The following CCNL1 variants were observed in gnomAD, a reference collection of about 807,000 sequenced individuals.
The protein encoded by CCNL1 is cyclin-L1.
In CCNL1, 13 loss-of-function variants were observed where a neutral mutation model predicts 60.6. The ratio of observed to expected loss-of-function variants is 0.21; its 90% CI spans 0.14 to 0.34. CCNL1 has a LOEUF of 0.34. Ranked by LOEUF, CCNL1 falls within the 10% of genes least tolerant of loss-of-function variation. CCNL1 has a pLI of 1.00. For synonymous variants in CCNL1, 270 were observed against 244.3 expected, an observed-to-expected ratio of 1.10 and a Z score of -0.98; for missense variants, 481 against 664.3, an observed-to-expected ratio of 0.72 and a Z score of 3.03.
downstream of CCNL1, chr3:157,146,365 C>A: frequency 7.5e-6 from 2 of 265,032 alleles, no homozygotes; most frequent in Non-Finnish European, 1.5e-5. Flanking sequence ...TTGCCTAGCC[C>A]ACAAAGCCAC....
intron 4 of CCNL1, chr3:157,152,578 A>G: frequency 9.3e-7 from 1 of 1,080,462 alleles, no homozygotes; most frequent in Non-Finnish European, 1.1e-6. Context: ...GACCCGGGTA[A>G]CTCACTCTAT....
chr3:157,159,815 C>T lies in CCNL1; in HGVS notation c.280G>A (p.Gly94Ser), dbSNP rs1305982186. ...ILGCELIQAA[G>S]ILLRLPQVAM... is the part of the protein sequence containing the mutation. ...ACCTGCGGCAGCCGGAGGAGAATGC[C>T]GGCGGCCTGGATGAGCTCGCAGCCC... Residue 94 changes from glycine to serine, a missense_variant, in exon 1 of 11, where the codon GGC (glycine) becomes AGC (serine). By Grantham distance (56) the Gly-to-Ser change is moderately conservative. Transcript: ENST00000295926. 2 of 1,539,132 alleles carry T rather than the reference C, an allele frequency of 1.3e-6. No homozygotes were observed. The highest frequency in any genetic ancestry group is 2.7e-5 in the African/African-American group (2 of 72,988).
downstream of CCNL1, among the ~76,000 whole-genome samples, chr3:157,145,437 CAA>C (rs56894231): frequency 4.3e-3 from 105 of 24,236 alleles, no homozygotes; most frequent in Middle Eastern, 0.031. Flanking sequence ...GACTTCATCT[CAA>C]AAAAAAAAAA....
At chr3:157,150,426 T>A in intron 5 of CCNL1, 45 bp from the exon 6 acceptor site, 1 of 1,584,522 alleles carries the variant, frequency 6.3e-7, no homozygotes, top group Middle Eastern at 1.7e-4. Context: ...ACAAACCAGT[T>A]CTTCTGAAGC....
intron 5 of CCNL1, chr3:157,151,511 A>C: frequency 3.0e-6 from 3 of 985,898 alleles, no homozygotes; most frequent in Non-Finnish European, 3.6e-6. Context: ...GCAGTTATAT[A>C]AATTAAGCCA....
At chr3:157,149,801 G>T in intron 8 of CCNL1, 35 bp downstream of exon 8, 1 of 1,594,078 alleles carries the variant, frequency 6.3e-7, no homozygotes, top group Non-Finnish European at 8.5e-7. Context: ...CACTTTCAGT[G>T]CCCCCAAGTC....
In CCNL1 at chr3:157,150,177, A is replaced by AT. The variant is rs750543800; in HGVS notation, c.775-9dup. The AT allele has an allele frequency of 6.2e-7, 1 of 1,611,104 alleles. No homozygotes were observed. Among genetic ancestry groups the AT allele is most frequent in the Non-Finnish European group, 8.5e-7 (1 of 1,178,778 alleles). ...ACGAGTTGGCAACGGAATCTAAACC[A>AT]TAAGAACAGAATGTTTTAAATTAAA... On this transcript the variant is annotated splice_polypyrimidine_tract_variant and intron_variant, in intron 6 of 10. Transcript: ENST00000295926.
At chr3:157,144,247 T>C (rs964206019), downstream of CCNL1, among the ~76,000 whole-genome samples, 3 of 152,230 alleles carry the variant, frequency 2.0e-5, no homozygotes, top group African/African-American at 4.8e-5. Flanking sequence ...ATTGAAGATA[T>C]TGTACTAGTA....
chr3:157,159,966 G>A lies in CCNL1; in HGVS notation c.129C>T (p.Gly43=), dbSNP rs1738962602. 3 of 1,595,478 alleles carry A rather than the reference G, an allele frequency of 1.9e-6. No individual in the cohort carries two copies. Among genetic ancestry groups the A allele is most frequent in the East Asian group, 4.6e-5 (2 of 43,852 alleles). The part of the protein sequence containing the change: ...TTTTTGGILI[G]DRLYSEVSLT... ...GTGAAACTTCCGAGTACAGGCGATC[G>A]CCGATCAGGATCCCTCCCGTCGTGG... The change falls in exon 1 of 11, where the codon GGC becomes GGT. Residue 43 remains glycine, a synonymous_variant. Transcript: ENST00000295926.
At position 157,158,988 on chromosome 3, in the gene CCNL1, A is replaced by G; in HGVS notation, c.379-13T>C. 4 of 1,560,976 alleles carry G rather than the reference A, an allele frequency of 2.6e-6. No individual in the cohort carries two copies. Among genetic ancestry groups the G allele is most frequent in the Non-Finnish European group, 3.5e-6 (4 of 1,136,858 alleles). On this transcript the variant is annotated splice_polypyrimidine_tract_variant and intron_variant, in intron 2 of 10. Transcript: ENST00000295926. ...CCATAGCAACAATCTGAAAGAACCC[A>G]TGAGCCACAAAAGCCATTGTTAGAT...
At position 157,150,914 on chromosome 3, in the gene CCNL1, TA is replaced by T. The variant is rs1289711491; in HGVS notation, c.675-534del. On this transcript the variant is annotated intron_variant, in intron 5 of 10. Coordinates refer to ENST00000295926, the MANE Select transcript of CCNL1 (RefSeq NM_020307.4). ...TACTTAGAAAATCTAGATAGGGAAA[TA>T]AAGAGCAATAAACACATATAATGGC... 5.1e-6 allele frequency: 5 copies of T among 982,852 alleles called. No homozygotes were observed. In the African/African-American group the frequency reaches 8.7e-5, roughly 17 times the overall value. 60.9% of individuals were successfully genotyped at this position (982,852 alleles called of 1,614,324 possible). A position where few individuals can be genotyped will look rare whatever the true frequency, so the allele number is the denominator to read the frequency against.
chr3:157,150,414 A>G, intron 5 of CCNL1, 33 bp from the exon 6 acceptor site: 3 of 1,601,894 alleles, frequency 1.9e-6, no homozygotes, highest in East Asian at 2.2e-5. Flanking sequence ...GCTTGCATGT[A>G]AACAAACCAG....
Position 157,150,172 on chromosome 3 carries a change from A to G in CCNL1, c.775-3T>C, listed in dbSNP as rs1323275038. 1 of 1,610,800 alleles carries G rather than the reference A, an allele frequency of 6.2e-7. No homozygotes were observed. Among genetic ancestry groups the G allele is most frequent in the Admixed American group, 1.7e-5 (1 of 59,124 alleles). On this transcript the variant is annotated splice_region_variant and splice_polypyrimidine_tract_variant and intron_variant, in intron 6 of 10. Coordinates refer to ENST00000295926, the MANE Select transcript of CCNL1 (RefSeq NM_020307.4). ...TGGGGACGAGTTGGCAACGGAATCT[A>G]AACCATAAGAACAGAATGTTTTAAA...
chr3:157,148,380 T>G lies in CCNL1; in HGVS notation c.1442A>C (p.His481Pro), dbSNP rs768813144. 6.2e-7 allele frequency: 1 copy of G among 1,614,224 alleles called. No homozygotes were observed. The highest frequency in any genetic ancestry group is 8.5e-7 in the Non-Finnish European group (1 of 1,180,038). ...CCTGTGTTTCTTGGCTGCATCTGAGTGATCCCGAGACTTGCTCTGAGATCG... is the reference window on the plus strand; with the variant it reads ...CCTGTGTTTCTTGGCTGCATCTGAGGGATCCCGAGACTTGCTCTGAGATCG... Reference protein sequence around the residue: ...RSRSQSKSRDHSDAAKKHRHE... With the variant: ...RSRSQSKSRDPSDAAKKHRHE... The change falls in exon 11 of 11, where the codon CAC (histidine) becomes CCC (proline). Residue 481 changes from histidine to proline, a missense_variant. By Grantham distance (77) the His-to-Pro change is moderately conservative. This residue lies in a region of CCNL1 where 197 missense variants were observed against 233.9 expected (regional missense o/e 0.84). Transcript: ENST00000295926.
At chr3:157,150,756 TGACC>T in intron 5 of CCNL1, 1 of 1,003,760 alleles carries the variant, frequency 1.0e-6, no homozygotes. Flanking sequence ...CATTAATTAC[TGACC>T]ATCTCTCCTT....
intron 8 of CCNL1, 46 bp downstream of exon 8, chr3:157,149,790 A>G (rs767205240): frequency 1.3e-6 from 2 of 1,588,524 alleles, no homozygotes; most frequent in Non-Finnish European, 1.7e-6. Context: ...TAATAAAGAC[A>G]CACTTTCAGT....
intron 10 of CCNL1, 28 bp from the exon 11 acceptor site, chr3:157,148,617 G>T (rs1250799894): frequency 1.9e-6 from 3 of 1,550,306 alleles, no homozygotes; most frequent in South Asian, 2.5e-5. Context: ...TGAAGTTTAG[G>T]TTCAGTTTCT....
chr3:157,149,225 A>C (rs1737984565), intron 10 of CCNL1, 62 bp downstream of exon 10: 1 of 1,323,106 alleles, frequency 7.6e-7, no homozygotes, highest in African/African-American at 1.5e-5. Flanking sequence ...ATTTTTAAAG[A>C]AAAAGCAATA....
At chr3:157,154,550 T>C (rs1217322264) in intron 3 of CCNL1, 1 of 152,204 alleles carries the variant, frequency 6.6e-6, no homozygotes, top group Non-Finnish European at 1.5e-5. Context: ...CAAAAATCTA[T>C]TTCAATACAT....
Sources: gnomAD v4.1 joint callset for allele counts (sites outside exome capture counted in the v4.1 genomes callset) on GRCh38, gnomAD v4.1.1 for gene constraint, gnomAD v4.1.1 regional missense constraint, MANE v1.5 for transcripts, NCBI Gene and HGNC (gene_info 2026-07-23, HGNC 2026-07-21) for gene names.